The following ZNF382 variants were observed in gnomAD, a reference collection of about 807,000 sequenced individuals.
The protein encoded by ZNF382 is KRAB/zinc finger suppressor protein 1.
In ZNF382, 20 loss-of-function variants were observed where a neutral mutation model predicts 38.8. That is an observed-to-expected ratio of 0.51 (90% CI 0.36 to 0.75). The LOEUF is 0.75. Ranked by LOEUF, ZNF382 falls within the 30% of genes least tolerant of loss-of-function variation. The probability of loss-of-function intolerance (pLI) is 0.00; values close to 1 mark genes in which losing one functional copy is unlikely to be tolerated. For missense variants in ZNF382, 546 were observed against 654.1 expected (o/e 0.83, Z 1.80); for synonymous variants, 202 against 223.1 (o/e 0.91, Z 0.84).
At chr19:36,624,164 T>C (rs919468835) in intron 4 of ZNF382, among the ~76,000 whole-genome samples, 5 of 152,102 alleles carry the variant, frequency 3.3e-5, no homozygotes, top group African/African-American at 1.2e-4. Context: ...GTGTTTGAAG[T>C]TCTTAGGGAG....
intron 4 of ZNF382, among the ~76,000 whole-genome samples, chr19:36,611,017 G>A (rs182214178): frequency 1.2e-4 from 18 of 152,202 alleles, no homozygotes; most frequent in Admixed American, 1.1e-3. Context: ...GGTGGCTCAC[G>A]CCTGTAATCC....
Position 36,633,052 on chromosome 19 carries a change from T to C in ZNF382, c.*5502T>C, listed in dbSNP as rs2037263293. The C allele has an allele frequency of 6.6e-6, 1 of 152,110 alleles. No individual in the cohort carries two copies. Among genetic ancestry groups the C allele is most frequent in the East Asian group, 1.9e-4 (1 of 5,188 alleles). The allele number at this position is 152,110 out of a possible 1,614,324, so 9.4% of individuals were successfully genotyped here. ...CAGTTTATAATCAGGCTTTTTTTTT[T>C]TTTTTGAGACAGTGTCTCGCTCTGT... On this transcript the variant is annotated 3_prime_UTR_variant, in exon 5 of 5. Coordinates refer to ENST00000292928, the MANE Select transcript of ZNF382 (RefSeq NM_032825.5).
In ZNF382 at chr19:36,627,048, A is replaced by G. The variant is rs776479508; in HGVS notation, c.1151A>G (p.Gln384Arg). The G allele has an allele frequency of 6.2e-7, 1 of 1,613,836 alleles. No individual in the cohort carries two copies. Among genetic ancestry groups the G allele is most frequent in the Non-Finnish European group, 8.5e-7 (1 of 1,179,926 alleles). The change falls in exon 5 of 5, where the codon CAG becomes CGG. Residue 384 changes from glutamine (Q) to arginine (R), a missense_variant. Gln to Arg is a conservative substitution (Grantham distance 43, BLOSUM62 1). Coordinates refer to ENST00000292928, the MANE Select transcript of ZNF382 (RefSeq NM_032825.5). ...HTGEKAYECP[Q>R]CGSAFRKKSY... ...GGGGAGAAAGCCTATGAATGTCCTCAGTGTGGAAGTGCCTTTAGGAAGAAG... is the reference window on the plus strand; with the variant it reads ...GGGGAGAAAGCCTATGAATGTCCTCGGTGTGGAAGTGCCTTTAGGAAGAAG...
In ZNF382 at chr19:36,627,169, T is replaced by C; in HGVS notation, c.1272T>C (p.Thr424=). 6.2e-7 allele frequency: 1 copy of C among 1,614,150 alleles called. No homozygotes were observed. Among genetic ancestry groups the C allele is most frequent in the Non-Finnish European group, 8.5e-7 (1 of 1,180,020 alleles). Residue 424 remains threonine (T), a synonymous_variant, in exon 5 of 5, where the codon ACT becomes ACC. Coordinates refer to ENST00000292928, the MANE Select transcript of ZNF382 (RefSeq NM_032825.5). Reference sequence around the variant, plus strand: ...CATTTATCCAGAAGACAACCCTCACTGTTCATCAGAGAACTCACACAGGAG... The same window carrying C: ...CATTTATCCAGAAGACAACCCTCACCGTTCATCAGAGAACTCACACAGGAG... ...GKAFIQKTTL[T]VHQRTHTGEK...
chr19:36,610,995 C>T (rs1021248894), intron 4 of ZNF382, among the ~76,000 whole-genome samples: 4 of 152,060 alleles, frequency 2.6e-5, no homozygotes, highest in Non-Finnish European at 4.4e-5. Context: ...ATAACTTCCC[C>T]TGGCCAGGTG....
At chr19:36,614,268 A>G (rs2037103339) in intron 4 of ZNF382, among the ~76,000 whole-genome samples, 1 of 152,170 alleles carries the variant, frequency 6.6e-6, no homozygotes, top group East Asian at 1.9e-4. Flanking sequence ...TGAACCCGGA[A>G]GGCACAGGTT....
At chr19:36,614,888 C>G (rs963300160) in intron 4 of ZNF382, among the ~76,000 whole-genome samples, 3 of 75,738 alleles carry the variant, frequency 4.0e-5, no homozygotes, top group Admixed American at 1.1e-4. Flanking sequence ...TTCTTCCTTT[C>G]CTTTCCTTTC....
intron 4 of ZNF382, among the ~76,000 whole-genome samples, chr19:36,611,016 C>T (rs1308326182): frequency 6.6e-6 from 1 of 152,096 alleles, no homozygotes; most frequent in Non-Finnish European, 1.5e-5. Context: ...AGGTGGCTCA[C>T]GCCTGTAATC....
At position 36,610,634 on chromosome 19, in the gene ZNF382, C is replaced by T; in HGVS notation, c.140-16C>T. The stretch of plus-strand genomic sequence containing the variant: ...TCGAAACAGCTTAGACCAAAAGTCT[C>T]ATTTTCCATCATCAGGGTTTCACAT... On this transcript the variant is annotated splice_polypyrimidine_tract_variant and intron_variant, in intron 3 of 4. Transcript: ENST00000292928. 6.2e-7 allele frequency: 1 copy of T among 1,601,802 alleles called. No individual in the cohort carries two copies. Among genetic ancestry groups the T allele is most frequent in the South Asian group, 1.1e-5 (1 of 88,516 alleles).
chr19:36,606,729 TA>T (rs1208713749), intron 1 of ZNF382, among the ~76,000 whole-genome samples: 1 of 151,994 alleles, frequency 6.6e-6, no homozygotes, highest in Non-Finnish European at 1.5e-5. Context: ...GCTAAGATAA[TA>T]AAAAGTATTT....
rs765710784 is a variant in ZNF382 at position 36,627,166 on chromosome 19, C to G, written c.1269C>G (p.Leu423=). Residue 423 remains leucine, a synonymous_variant, in exon 5 of 5, where the codon CTC becomes CTG. Transcript: ENST00000292928. ...AGGCATTTATCCAGAAGACAACCCTCACTGTTCATCAGAGAACTCACACAG... is the reference window on the plus strand; with the variant it reads ...AGGCATTTATCCAGAAGACAACCCTGACTGTTCATCAGAGAACTCACACAG... ...CGKAFIQKTT[L]TVHQRTHTGE... 6.2e-7 allele frequency: 1 copy of G among 1,614,034 alleles called. No individual in the cohort carries two copies. Among genetic ancestry groups the G allele is most frequent in the East Asian group, 2.2e-5 (1 of 44,888 alleles).
chr19:36,626,383 T>C lies in ZNF382; in HGVS notation c.486T>C (p.Gly162=). Residue 162 remains glycine, a synonymous_variant, in exon 5 of 5, where the codon GGT becomes GGC. Transcript: ENST00000292928. ...TAAGCCCCATAAAAGAGAAGTTTGG[T>C]GACAGTACTGGATGGGAGAAATCAC... ...RNISPIKEKF[G]DSTGWEKSLL... is the part of the protein sequence containing the mutation. The C allele has an allele frequency of 1.9e-6, 3 of 1,582,244 alleles. No individual in the cohort carries two copies. Among genetic ancestry groups the C allele is most frequent in the Non-Finnish European group, 2.6e-6 (3 of 1,169,998 alleles).
Position 36,626,584 on chromosome 19 carries a change from A to T in ZNF382, c.687A>T (p.Thr229=). 1 of 1,614,134 alleles carries T rather than the reference A, an allele frequency of 6.2e-7. No individual in the cohort carries two copies. ...KSFLMKGMLF[T]HTRAHRGERT... is the part of the protein sequence containing the mutation. ...TCCTGATGAAAGGAATGCTATTTAC[A>T]CATACTAGAGCTCACAGAGGAGAAA... is the stretch of plus-strand genomic sequence containing the variant. The change falls in exon 5 of 5, where the codon ACA becomes ACT. Residue 229 remains threonine (T), a synonymous_variant. Coordinates refer to ENST00000292928, the MANE Select transcript of ZNF382 (RefSeq NM_032825.5).
intron 1 of ZNF382, among the ~76,000 whole-genome samples, chr19:36,606,608 G>T (rs987937857): frequency 7.2e-6 from 1 of 139,282 alleles, no homozygotes; most frequent in Admixed American, 7.5e-5. Context: ...CCCTCCCCCC[G>T]CCCCCTCGGC....
intron 1 of ZNF382, among the ~76,000 whole-genome samples, chr19:36,607,250 G>A (rs2037041256): frequency 6.6e-6 from 1 of 152,144 alleles, no homozygotes; most frequent in Non-Finnish European, 1.5e-5. Flanking sequence ...CAGTAAACCT[G>A]TGGTTAGAGG....
intron 4 of ZNF382, 98 bp downstream of exon 4, chr19:36,610,840 A>G: frequency 1.2e-6 from 1 of 850,970 alleles, no homozygotes; most frequent in Non-Finnish European, 1.8e-6. Context: ...GGTAAAATAC[A>G]CATAACATTA....
intron 4 of ZNF382, 52 bp downstream of exon 4, chr19:36,610,794 C>A: frequency 7.3e-7 from 1 of 1,377,056 alleles, no homozygotes; most frequent in Non-Finnish European, 1.0e-6. Flanking sequence ...TAGTTGAAGC[C>A]TTTGAATGTT....
chr19:36,608,457 A>G lies in ZNF382; in HGVS notation c.-14+835A>G, dbSNP rs535205987. 5 of 152,248 alleles carry G rather than the reference A, an allele frequency of 3.3e-5. No individual in the cohort carries two copies. In the South Asian group the frequency reaches 6.2e-4, roughly 19 times the overall value. The allele number at this position is 152,248 out of a possible 1,614,324, so 9.4% of individuals were successfully genotyped here. On this transcript the variant is annotated intron_variant, in intron 2 of 4. Coordinates refer to ENST00000292928, the MANE Select transcript of ZNF382 (RefSeq NM_032825.5). ...TGCCAGGCCACTTTTGAAATATTCT[A>G]TTGTTGATCAAACAGTACTTTGTCC...
chr19:36,610,507 A>T (rs1247998435), intron 3 of ZNF382, 143 bp from the exon 4 acceptor site: 5 of 541,508 alleles, frequency 9.2e-6, no homozygotes, highest in Non-Finnish European at 1.6e-5. Context: ...TGATTATATC[A>T]TCACTTGTGT....
Sources: gnomAD v4.1 joint callset for allele counts (sites outside exome capture counted in the v4.1 genomes callset) on GRCh38, gnomAD v4.1.1 for gene constraint, MANE v1.5 for transcripts, NCBI Gene and HGNC (gene_info 2026-07-23, HGNC 2026-07-21) for gene names.